Variants in CDH18 observed in about 807,000 individuals in gnomAD.
CDH18 encodes the protein cadherin-18.
CDH18 carries 31 observed loss-of-function variants against 67.9 expected under a neutral mutation model. The ratio of observed to expected loss-of-function variants is 0.46; its 90% CI spans 0.34 to 0.62. The LOEUF (loss-of-function observed/expected upper bound fraction) is 0.62, where lower values mean the gene tolerates loss of function less well. Among genes scored for constraint, CDH18 ranks in the 20% least tolerant of loss-of-function variants. The pLI is 0.01. For missense variants in CDH18, 890 were observed against 975.5 expected (o/e 0.91, Z 1.17); for synonymous variants, 362 against 347.2 (o/e 1.04, Z -0.48).
chr5:20,394,113 G>T (rs893384686), intron 1 of CDH18, among the ~76,000 whole-genome samples: 61 of 151,810 alleles, frequency 4.0e-4, no homozygotes, highest in African/African-American at 1.5e-3. Context: ...ACAATCCCAA[G>T]CAAAAAAAGT....
At chr5:20,540,626 C>T (rs1757000831) in intron 1 of CDH18, among the ~76,000 whole-genome samples, 1 of 152,124 alleles carries the variant, frequency 6.6e-6, no homozygotes. Flanking sequence ...TACAGTTAAG[C>T]TGAATCTGAC....
intron 1 of CDH18, among the ~76,000 whole-genome samples, chr5:20,553,468 A>T (rs183902706): frequency 2.2e-4 from 34 of 152,286 alleles, no homozygotes; most frequent in Admixed American, 6.5e-4. Flanking sequence ...CAACGCTAAC[A>T]TTTATTGGGC....
intron 1 of CDH18, among the ~76,000 whole-genome samples, chr5:20,526,876 T>A (rs892267081): frequency 7.9e-5 from 12 of 151,996 alleles, no homozygotes; most frequent in African/African-American, 2.4e-4. Context: ...CTCCTCCAAA[T>A]GATTGCAACA....
chr5:20,239,804 G>C (rs970335941), intron 2 of CDH18, among the ~76,000 whole-genome samples: 1 of 151,868 alleles, frequency 6.6e-6, no homozygotes, highest in Non-Finnish European at 1.5e-5. Flanking sequence ...TACCACTGTT[G>C]CTTGCTTTTT....
At chr5:20,071,016 T>C (rs564569146) in intron 2 of CDH18, among the ~76,000 whole-genome samples, 2 of 152,286 alleles carry the variant, frequency 1.3e-5, no homozygotes, top group African/African-American at 4.8e-5. Flanking sequence ...CTGATTCTTC[T>C]AGAAGATAAA....
At chr5:20,548,286 T>A (rs997190826) in intron 1 of CDH18, among the ~76,000 whole-genome samples, 11 of 151,702 alleles carry the variant, frequency 7.3e-5, no homozygotes, top group Admixed American at 6.6e-4. Context: ...TCATTACTCA[T>A]CTTTCCAAAG....
In CDH18 at chr5:20,231,420, G is replaced by T. The variant is rs576795698; in HGVS notation, c.-518+24024C>A. Among the ~76,000 whole-genome samples, 5 of 152,020 alleles carry T rather than the reference G, an allele frequency of 3.3e-5. No homozygotes were observed. The East Asian group carries it at 9.7e-4, about 29-fold the overall frequency. On this transcript the variant is annotated intron_variant, in intron 2 of 14. Transcript: ENST00000507958. ...AGGTCAGGAGTTCGAGACCAACATG[G>T]TGAAACCCCGTCTCTACTAAAAATA...
rs59276117 is a variant in CDH18 at position 20,301,789 on chromosome 5, CTTTTTTTTTT to C, written c.-579-46294_-579-46285del. ...AAAGGTAGTTTGCTCTTTCTTTTTT[CTTTTTTTTTT>C]TTTTTTTTGGCATGCAGCACATATA... On this transcript the variant is annotated intron_variant, in intron 1 of 14. Transcript: ENST00000507958. 9.9e-3 allele frequency among the ~76,000 whole-genome samples: 1,263 copies of C among 128,148 alleles called. 17 individuals are homozygous for C. The highest frequency in any genetic ancestry group is 0.033 in the African/African-American group (1,187 of 35,620). The allele number at this position is 128,148 out of a possible 152,430, so 84.1% of individuals were successfully genotyped here. A position where few individuals can be genotyped will look rare whatever the true frequency, so the allele number is the denominator to read the frequency against.
chr5:19,808,778 C>A (rs1162523065), intron 3 of CDH18, among the ~76,000 whole-genome samples: 2 of 145,948 alleles, frequency 1.4e-5, no homozygotes, highest in Non-Finnish European at 3.0e-5. Flanking sequence ...TTGTGGTGAG[C>A]CACGAGAGCG....
At chr5:20,489,155 C>G (rs1409468166) in intron 1 of CDH18, among the ~76,000 whole-genome samples, 1 of 151,998 alleles carries the variant, frequency 6.6e-6, no homozygotes, top group Non-Finnish European at 1.5e-5. Flanking sequence ...ACTATACCAG[C>G]TATTTTTAAA....
intron 1 of CDH18, among the ~76,000 whole-genome samples, chr5:20,356,578 TTTTG>T (rs1330473154): frequency 6.6e-6 from 1 of 151,964 alleles, no homozygotes; most frequent in Non-Finnish European, 1.5e-5. Context: ...TAAAGAGGAT[TTTTG>T]TTTATCAGAT....
chr5:20,040,314 T>C (rs1561740022), intron 2 of CDH18, among the ~76,000 whole-genome samples: 1 of 151,936 alleles, frequency 6.6e-6, no homozygotes, highest in African/African-American at 2.4e-5. Context: ...CAAATCAAAA[T>C]GTAAACAAGA....
At chr5:19,962,799 A>G (rs1797057204) in intron 2 of CDH18, among the ~76,000 whole-genome samples, 1 of 152,070 alleles carries the variant, frequency 6.6e-6, no homozygotes, top group South Asian at 2.1e-4. Context: ...ATACATCTTA[A>G]GGAGATTCTG....
At chr5:20,406,772 G>C (rs1197511766) in intron 1 of CDH18, among the ~76,000 whole-genome samples, 1 of 152,114 alleles carries the variant, frequency 6.6e-6, no homozygotes, top group Non-Finnish European at 1.5e-5. Context: ...GGAACCCCAA[G>C]CTCTTCTTCC....
At chr5:20,453,749 C>T (rs1750644871) in intron 1 of CDH18, among the ~76,000 whole-genome samples, 1 of 152,002 alleles carries the variant, frequency 6.6e-6, no homozygotes, top group African/African-American at 2.4e-5. Context: ...AACAGCTCAG[C>T]TGTCATTAAT....
intron 5 of CDH18, among the ~76,000 whole-genome samples, chr5:19,648,317 A>T (rs1304556036): frequency 6.6e-6 from 1 of 152,174 alleles, no homozygotes; most frequent in Non-Finnish European, 1.5e-5. Context: ...TGAGAGGCTG[A>T]GGCAGGAGAA....
chr5:20,312,741 T>A (rs548056505), intron 1 of CDH18, among the ~76,000 whole-genome samples: 36 of 152,272 alleles, frequency 2.4e-4, no homozygotes, highest in African/African-American at 8.7e-4. Context: ...TATTTATTAG[T>A]CTTAAAGATA....
intron 5 of CDH18, among the ~76,000 whole-genome samples, chr5:19,700,717 T>A (rs959426228): frequency 2.0e-5 from 3 of 152,152 alleles, no homozygotes; most frequent in Non-Finnish European, 4.4e-5. Flanking sequence ...TCAATTTCAG[T>A]GGACTCCCAG....
At chr5:20,061,920 G>A (rs899171910) in intron 2 of CDH18, among the ~76,000 whole-genome samples, 3 of 152,090 alleles carry the variant, frequency 2.0e-5, no homozygotes, top group South Asian at 2.1e-4. Flanking sequence ...AGGAATCAAC[G>A]ACAATTATCA....
Sources: allele counts gnomAD v4.1 joint callset (sites outside exome capture counted in the v4.1 genomes callset), GRCh38; gene constraint gnomAD v4.1.1; transcripts MANE v1.5; gene names NCBI Gene and HGNC (gene_info 2026-07-23, HGNC 2026-07-21).